Variants in IFT80 observed in about 807,000 individuals in gnomAD.
IFT80 encodes intraflagellar transport 80, also known as intraflagellar transport protein 80 homolog.
Under a neutral mutation model 107.9 loss-of-function variants are expected in IFT80, and 79 were observed. The observed-to-expected ratio is 0.73, with a 90% CI of 0.61 to 0.88. The LOEUF is 0.88. IFT80 is among the 40% of genes least tolerant of loss of function. The pLI, the probability that IFT80 is intolerant of heterozygous loss-of-function variation, is 0.00. For synonymous variants in IFT80, 299 were observed against 300.9 expected, an observed-to-expected ratio of 0.99 and a Z score of 0.07; for missense variants, 797 against 914.2, an observed-to-expected ratio of 0.87 and a Z score of 1.65.
intron 12 of IFT80, among the ~76,000 whole-genome samples, chr3:160,300,016 AT>A (rs1404239724): frequency 6.6e-6 from 1 of 151,898 alleles, no homozygotes; most frequent in Non-Finnish European, 1.5e-5. Flanking sequence ...TACCTAGCTC[AT>A]TTTGACCCAG....
chr3:160,307,339 C>T (rs550534866), intron 10 of IFT80, among the ~76,000 whole-genome samples: 2 of 152,094 alleles, frequency 1.3e-5, no homozygotes, highest in South Asian at 2.1e-4. Context: ...TGTAGAGATG[C>T]GGTCTCACTG....
At chr3:160,361,170 GGGAT>G (rs1052798516) in intron 6 of IFT80, among the ~76,000 whole-genome samples, 21 of 152,242 alleles carry the variant, frequency 1.4e-4, no homozygotes, top group African/African-American at 5.1e-4. Context: ...TCAAAATAAA[GGGAT>G]GGAGGAAGAT....
intron 8 of IFT80, among the ~76,000 whole-genome samples, chr3:160,334,511 G>C (rs995888338): frequency 6.6e-6 from 1 of 151,248 alleles, no homozygotes; most frequent in African/African-American, 2.4e-5. Context: ...CCGCCTCCCA[G>C]GTTCAAGCAA....
Position 160,336,038 on chromosome 3 carries a change from GT to G in IFT80, c.778-16100del, listed in dbSNP as rs572854574. ...TATTCTATTGTATGGATAGAACATA[GT>G]TTGTTTATACACTAGGCAGTGGATG... On this transcript the variant is annotated intron_variant, in intron 8 of 19. Transcript: ENST00000326448. Among the ~76,000 whole-genome samples, 510 of 152,242 alleles carry G rather than the reference GT, an allele frequency of 3.3e-3. 2 individuals are homozygous for G. The highest frequency in any genetic ancestry group is 0.012 in the African/African-American group (492 of 41,554).
At chr3:160,289,353 C>T (rs1715350800) in intron 12 of IFT80, among the ~76,000 whole-genome samples, 1 of 152,090 alleles carries the variant, frequency 6.6e-6, no homozygotes, top group Admixed American at 6.5e-5. Context: ...TTATTGGGTA[C>T]TAGGCTTAGT....
intron 18 of IFT80, among the ~76,000 whole-genome samples, chr3:160,271,495 CTCTT>C: frequency 6.6e-6 from 1 of 152,276 alleles, no homozygotes; most frequent in South Asian, 2.1e-4. Context: ...GTTTCTACCT[CTCTT>C]AACTTCAGTT....
intron 8 of IFT80, among the ~76,000 whole-genome samples, chr3:160,335,474 G>A (rs755742584): frequency 2.0e-5 from 3 of 151,832 alleles, no homozygotes; most frequent in Admixed American, 6.6e-5. Context: ...CACTCGCCTC[G>A]GCCTCCCAAA....
intron 6 of IFT80, among the ~76,000 whole-genome samples, chr3:160,358,369 T>C (rs1197620800): frequency 2.0e-5 from 3 of 152,028 alleles, no homozygotes; most frequent in African/African-American, 7.2e-5. Context: ...ACCCTCTTCA[T>C]TTCATTCTGT....
At chr3:160,384,760 T>A in intron 1 of IFT80, 114 bp from the exon 2 acceptor site, 1 of 714,646 alleles carries the variant, frequency 1.4e-6, no homozygotes, top group Non-Finnish European at 2.3e-6. Flanking sequence ...CTTCAGTCCT[T>A]CTGACATCAA....
chr3:160,260,577 TA>T (rs1325018072), intron 19 of IFT80, among the ~76,000 whole-genome samples: 6 of 152,186 alleles, frequency 3.9e-5, no homozygotes, highest in Admixed American at 3.3e-4. Context: ...CTACTGAAAA[TA>T]AATGTTTCAC....
At chr3:160,287,090 T>C (rs1219285554) in intron 12 of IFT80, among the ~76,000 whole-genome samples, 1 of 152,182 alleles carries the variant, frequency 6.6e-6, no homozygotes, top group East Asian at 1.9e-4. Context: ...TAAAACCCCA[T>C]ACAAATTCTG....
At chr3:160,370,271 G>A (rs1158074982) in intron 5 of IFT80, among the ~76,000 whole-genome samples, 1 of 152,070 alleles carries the variant, frequency 6.6e-6, no homozygotes, top group Non-Finnish European at 1.5e-5. Context: ...TAAAGTACTT[G>A]GAATAGAGTC....
chr3:160,358,080 C>G (rs894151747), intron 6 of IFT80, among the ~76,000 whole-genome samples: 2 of 151,978 alleles, frequency 1.3e-5, no homozygotes, highest in African/African-American at 4.8e-5. Flanking sequence ...GTGATCAGGG[C>G]AACTGCAGTC....
chr3:160,337,326 T>C (rs180834068), intron 8 of IFT80, among the ~76,000 whole-genome samples: 3 of 152,324 alleles, frequency 2.0e-5, no homozygotes, highest in African/African-American at 4.8e-5. Context: ...ATGACCTTTA[T>C]ATTTAAAGGT....
chr3:160,296,033 T>C (rs1715954784), intron 12 of IFT80, among the ~76,000 whole-genome samples: 1 of 152,154 alleles, frequency 6.6e-6, no homozygotes, highest in Admixed American at 6.5e-5. Context: ...GGGCATAAAA[T>C]TTCAGTAACA....
At chr3:160,280,622 A>G in intron 15 of IFT80, 45 bp downstream of exon 15, 1 of 1,512,470 alleles carries the variant, frequency 6.6e-7, no homozygotes, top group African/African-American at 1.4e-5. Context: ...ACTCTATTAG[A>G]GTTTTATTTA....
At chr3:160,307,858 G>A in intron 9 of IFT80, 77 bp from the exon 10 acceptor site, 1 of 791,536 alleles carries the variant, frequency 1.3e-6, no homozygotes. Context: ...GCAAGATTTT[G>A]AAACACAAAA....
intron 8 of IFT80, among the ~76,000 whole-genome samples, chr3:160,321,454 T>C (rs1419840959): frequency 3.3e-5 from 5 of 151,940 alleles, no homozygotes; most frequent in African/African-American, 1.2e-4. Context: ...TAGTTTAATT[T>C]CTATTTTAAA....
intron 8 of IFT80, among the ~76,000 whole-genome samples, chr3:160,335,252 A>G (rs1719379255): frequency 6.9e-6 from 1 of 145,778 alleles, no homozygotes; most frequent in South Asian, 2.2e-4. Context: ...TTTTTTTGAG[A>G]CGGAGTCTTG....
Sources: allele counts gnomAD v4.1 joint callset (sites outside exome capture counted in the v4.1 genomes callset), GRCh38; gene constraint gnomAD v4.1.1; transcripts MANE v1.5; gene names NCBI Gene and HGNC (gene_info 2026-07-23, HGNC 2026-07-21).